The following CA8 variants were observed in gnomAD, a reference collection of about 807,000 sequenced individuals.
CA8 encodes the protein carbonic anhydrase 8 (inactive).
Under a neutral mutation model 41.4 loss-of-function variants are expected in CA8, and 22 were observed. The ratio of observed to expected loss-of-function variants is 0.53; its 90% CI spans 0.38 to 0.76. The LOEUF is 0.76. Among genes scored for constraint, CA8 ranks in the 30% least tolerant of loss-of-function variants. The probability of loss-of-function intolerance (pLI) is 0.00; values close to 1 mark genes in which losing one functional copy is unlikely to be tolerated. For missense variants in CA8, 270 were observed against 352.8 expected, an observed-to-expected ratio of 0.77 and a Z score of 1.88; for synonymous variants, 121 against 130.6, an observed-to-expected ratio of 0.93 and a Z score of 0.50.
chr8:60,191,551 T>TA (rs1427460609), intron 8 of CA8, among the ~76,000 whole-genome samples: 2 of 152,168 alleles, frequency 1.3e-5, no homozygotes, highest in Admixed American at 1.3e-4. Context: ...GAGGCTCTAA[T>TA]ATGCTGATGT....
chr8:60,218,906 C>G (rs1004105916), intron 7 of CA8, among the ~76,000 whole-genome samples: 2 of 151,962 alleles, frequency 1.3e-5, no homozygotes, highest in African/African-American at 4.8e-5. Context: ...CCCTCACATG[C>G]CTGCTAACCC....
chr8:60,227,951 G>C (rs1456123969), intron 4 of CA8, among the ~76,000 whole-genome samples: 1 of 152,224 alleles, frequency 6.6e-6, no homozygotes, highest in South Asian at 2.1e-4. Context: ...TAATGGAGGA[G>C]AGTAATGGAG....
intron 3 of CA8, chr8:60,232,671 T>C (rs543447810): frequency 2.8e-5 from 12 of 433,326 alleles, no homozygotes; most frequent in African/African-American, 2.2e-4. Flanking sequence ...TCAGTTATCT[T>C]TCCTTGGATG....
intron 7 of CA8, among the ~76,000 whole-genome samples, chr8:60,211,883 T>C (rs894926879): frequency 6.6e-6 from 1 of 152,334 alleles, no homozygotes; most frequent in East Asian, 1.9e-4. Flanking sequence ...TGAGAGATTG[T>C]GATAAATGAA....
intron 8 of CA8, among the ~76,000 whole-genome samples, chr8:60,207,608 C>T (rs73243954): frequency 0.014 from 2,188 of 152,296 alleles, 59 homozygotes; most frequent in African/African-American, 0.05. Context: ...CCATCTCCCT[C>T]CACCCCTCAT....
chr8:60,270,630 G>T (rs1804040682), intron 2 of CA8, among the ~76,000 whole-genome samples: 1 of 152,106 alleles, frequency 6.6e-6, no homozygotes, highest in African/African-American at 2.4e-5. Context: ...TGGCCAGACT[G>T]GTCTTCAACT....
intron 4 of CA8, among the ~76,000 whole-genome samples, chr8:60,228,736 C>T (rs1415522972): frequency 6.6e-6 from 1 of 152,170 alleles, no homozygotes; most frequent in Non-Finnish European, 1.5e-5. Flanking sequence ...CACTTAATGT[C>T]CATTATTATT....
chr8:60,259,020 G>A (rs968501891), intron 3 of CA8, among the ~76,000 whole-genome samples: 6 of 152,168 alleles, frequency 3.9e-5, no homozygotes, highest in Non-Finnish European at 8.8e-5. Flanking sequence ...CTCCCCCACT[G>A]CATGAAAAAC....
intron 6 of CA8, among the ~76,000 whole-genome samples, chr8:60,223,103 C>T (rs1019597812): frequency 3.3e-5 from 5 of 152,234 alleles, no homozygotes; most frequent in South Asian, 2.1e-4. Flanking sequence ...ATGCTTATGA[C>T]GTGCCAGCAA....
At chr8:60,224,619 T>C in intron 5 of CA8, 34 bp from the exon 6 acceptor site, 2 of 1,257,420 alleles carry the variant, frequency 1.6e-6, no homozygotes, top group South Asian at 1.2e-5. Context: ...CCAATGTTAA[T>C]GTAATATTTC....
intron 7 of CA8, 101 bp downstream of exon 7, chr8:60,222,548 T>C: frequency 1.3e-6 from 1 of 759,528 alleles, no homozygotes; most frequent in Non-Finnish European, 2.4e-6. Context: ...AAGGTATGAC[T>C]GATCTACAGG....
intron 5 of CA8, among the ~76,000 whole-genome samples, chr8:60,226,510 A>T (rs1807444510): frequency 6.6e-6 from 1 of 152,200 alleles, no homozygotes; most frequent in Non-Finnish European, 1.5e-5. Context: ...GCATGCGTTT[A>T]GTGCTTGCAT....
chr8:60,260,132 G>A (rs1257418359), intron 3 of CA8, among the ~76,000 whole-genome samples: 1 of 152,150 alleles, frequency 6.6e-6, no homozygotes, highest in Non-Finnish European at 1.5e-5. Flanking sequence ...GTCTGTGGAA[G>A]GTGAAAAAAA....
chr8:60,212,154 C>G (rs894046622), intron 7 of CA8, among the ~76,000 whole-genome samples: 1 of 152,160 alleles, frequency 6.6e-6, no homozygotes, highest in Non-Finnish European at 1.5e-5. Flanking sequence ...GTTCTTTGAA[C>G]GACAGGTGCA....
At chr8:60,202,369 T>G (rs886274095) in intron 8 of CA8, among the ~76,000 whole-genome samples, 3 of 151,986 alleles carry the variant, frequency 2.0e-5, no homozygotes, top group African/African-American at 7.3e-5. Flanking sequence ...GTTTCTTTAT[T>G]GATAAAATCT....
At chr8:60,238,225 T>A (rs1392115635) in intron 3 of CA8, among the ~76,000 whole-genome samples, 1 of 152,202 alleles carries the variant, frequency 6.6e-6, no homozygotes, top group Admixed American at 6.5e-5. Context: ...GAAGACTTCA[T>A]GGCAGCTTAA....
intron 8 of CA8, among the ~76,000 whole-genome samples, chr8:60,203,182 T>C (rs1310916665): frequency 6.6e-6 from 1 of 152,156 alleles, no homozygotes; most frequent in Non-Finnish European, 1.5e-5. Flanking sequence ...GAGAACATTC[T>C]AGACTTTAGG....
intron 3 of CA8, among the ~76,000 whole-genome samples, chr8:60,246,304 C>A (rs1305333724): frequency 6.6e-6 from 1 of 151,892 alleles, no homozygotes; most frequent in African/African-American, 2.4e-5. Context: ...GTTTGTTTTG[C>A]TTTGTTTTAA....
chr8:60,219,320 G>T (rs1278516904), intron 7 of CA8, among the ~76,000 whole-genome samples: 3 of 151,956 alleles, frequency 2.0e-5, no homozygotes, highest in African/African-American at 7.3e-5. Context: ...CACCACACCC[G>T]GCTAATTTTG....
Sources: gnomAD v4.1 joint callset for allele counts (sites outside exome capture counted in the v4.1 genomes callset) on GRCh38, gnomAD v4.1.1 for gene constraint, MANE v1.5 for transcripts, NCBI Gene and HGNC (gene_info 2026-07-23, HGNC 2026-07-21) for gene names.